The following SNX7 variants were observed in gnomAD, a reference collection of about 807,000 sequenced individuals.
The protein encoded by SNX7 is sorting nexin 7.
SNX7 carries 35 observed loss-of-function variants against 48.4 expected under a neutral mutation model. The ratio of observed to expected loss-of-function variants is 0.72; its 90% CI spans 0.55 to 0.96. The LOEUF is 0.96. SNX7 is among the 40% of genes least tolerant of loss of function. The probability of loss-of-function intolerance (pLI) is 0.00; values close to 1 mark genes in which losing one functional copy is unlikely to be tolerated. For synonymous variants in SNX7, 190 were observed against 190.2 expected (o/e 1.00, Z 0.01); for missense variants, 553 against 548.9 (o/e 1.01, Z -0.07).
At chr1:98,686,766 T>C (rs1650824695) in intron 2 of SNX7, among the ~76,000 whole-genome samples, 1 of 152,150 alleles carries the variant, frequency 6.6e-6, no homozygotes, top group African/African-American at 2.4e-5. Flanking sequence ...ATAAGGTCTT[T>C]ATGAAGATTG....
chr1:98,748,225 A>T (rs549850595), intron 8 of SNX7, among the ~76,000 whole-genome samples: 1 of 152,044 alleles, frequency 6.6e-6, no homozygotes, highest in Non-Finnish European at 1.5e-5. Context: ...ACCTCAAGTG[A>T]TCTGCCTGCC....
intron 7 of SNX7, among the ~76,000 whole-genome samples, chr1:98,717,693 C>T (rs1652661690): frequency 6.6e-6 from 1 of 151,992 alleles, no homozygotes; most frequent in South Asian, 2.1e-4. Flanking sequence ...TTAAATTGAC[C>T]TGCCTTGTTT....
intron 7 of SNX7, among the ~76,000 whole-genome samples, chr1:98,722,280 A>G (rs1456285450): frequency 6.6e-6 from 1 of 152,168 alleles, no homozygotes; most frequent in African/African-American, 2.4e-5. Flanking sequence ...TATGTATTGT[A>G]AAGTATGTAA....
In SNX7 at chr1:98,736,435, A is replaced by C. The variant is rs186947751; in HGVS notation, c.1126-1802A>C. Among the ~76,000 whole-genome samples the C allele has an allele frequency of 1.8e-3, 279 of 152,230 alleles. 2 individuals carry two copies. The highest frequency in any genetic ancestry group is 1.4e-3 in the Non-Finnish European group (97 of 68,010). ...TCCTGTTTGAGTTTGGCCTTTCAACAATTTTATTATGGCTGTGGGTGCCTA... is the reference window on the plus strand; with the variant it reads ...TCCTGTTTGAGTTTGGCCTTTCAACCATTTTATTATGGCTGTGGGTGCCTA... On this transcript the variant is annotated intron_variant, in intron 7 of 8. Transcript: ENST00000306121.
chr1:98,749,044 G>A (rs1162781412), intron 8 of SNX7, among the ~76,000 whole-genome samples: 2 of 152,168 alleles, frequency 1.3e-5, no homozygotes, highest in Admixed American at 1.3e-4. Flanking sequence ...TGTCTGAAGT[G>A]TCTAGCATTA....
At chr1:98,693,709 TAAAC>T (rs1362852039) in intron 4 of SNX7, among the ~76,000 whole-genome samples, 1 of 152,186 alleles carries the variant, frequency 6.6e-6, no homozygotes, top group Non-Finnish European at 1.5e-5. Context: ...GAATTGGAAA[TAAAC>T]AAGTTTACTT....
chr1:98,662,164 G>A, intron 1 of SNX7: 1 of 351,656 alleles, frequency 2.8e-6, no homozygotes, highest in Non-Finnish European at 5.1e-6. Context: ...CGGGGCTGTG[G>A]CTTAGTGGAG....
intron 7 of SNX7, among the ~76,000 whole-genome samples, chr1:98,711,476 C>G (rs1051603441): frequency 6.6e-6 from 1 of 152,270 alleles, no homozygotes; most frequent in Non-Finnish European, 1.5e-5. Flanking sequence ...TAAAGCAAGT[C>G]ACAAGAAATT....
chr1:98,725,461 C>T (rs12028260), intron 7 of SNX7, among the ~76,000 whole-genome samples: 3 of 152,238 alleles, frequency 2.0e-5, no homozygotes, highest in East Asian at 1.9e-4. Context: ...CACAAGGGGG[C>T]ACTGTGCCTG....
At chr1:98,733,156 C>T (rs1653601813) in intron 7 of SNX7, among the ~76,000 whole-genome samples, 1 of 152,144 alleles carries the variant, frequency 6.6e-6, no homozygotes, top group African/African-American at 2.4e-5. Flanking sequence ...GTGTCCCTCA[C>T]TTTGCGATAC....
chr1:98,720,767 C>G (rs1315618952), intron 7 of SNX7, among the ~76,000 whole-genome samples: 1 of 152,058 alleles, frequency 6.6e-6, no homozygotes, highest in Non-Finnish European at 1.5e-5. Context: ...ACAGAATGTT[C>G]TATTTGGCTG....
intron 7 of SNX7, among the ~76,000 whole-genome samples, chr1:98,734,219 T>C (rs1346315269): frequency 1.3e-5 from 2 of 152,152 alleles, no homozygotes; most frequent in Non-Finnish European, 1.5e-5. Context: ...CAATCTTCCA[T>C]TCTGTATCTG....
intron 8 of SNX7, among the ~76,000 whole-genome samples, chr1:98,749,326 A>C (rs995327946): frequency 2.0e-5 from 3 of 152,112 alleles, no homozygotes; most frequent in Admixed American, 6.6e-5. Flanking sequence ...ATAATAAAAA[A>C]ATGGACCACA....
intron 7 of SNX7, among the ~76,000 whole-genome samples, chr1:98,736,588 G>A (rs1653791685): frequency 6.6e-6 from 1 of 152,142 alleles, no homozygotes; most frequent in South Asian, 2.1e-4. Context: ...GATATAGTTT[G>A]ACCCTACAAA....
At chr1:98,725,915 A>G (rs1450242447) in intron 7 of SNX7, among the ~76,000 whole-genome samples, 2 of 152,168 alleles carry the variant, frequency 1.3e-5, no homozygotes, top group African/African-American at 4.8e-5. Flanking sequence ...CAGTTCACCC[A>G]CCAACACTCT....
At chr1:98,752,036 G>GA (rs979145890) in intron 8 of SNX7, among the ~76,000 whole-genome samples, 12 of 151,502 alleles carry the variant, frequency 7.9e-5, no homozygotes, top group Middle Eastern at 3.2e-3. Context: ...ATTTAAAAGT[G>GA]AAAAAAAATT....
chr1:98,697,573 G>C (rs570608652), intron 5 of SNX7, among the ~76,000 whole-genome samples: 110 of 152,092 alleles, frequency 7.2e-4, no homozygotes, highest in African/African-American at 2.5e-3. Flanking sequence ...AATACATAGC[G>C]TATCAAACAC....
At chr1:98,726,632 A>T (rs1252609439) in intron 7 of SNX7, among the ~76,000 whole-genome samples, 1 of 150,348 alleles carries the variant, frequency 6.7e-6, no homozygotes, top group Non-Finnish European at 1.5e-5. Context: ...TCCATTGAAT[A>T]TGGAGATATA....
chr1:98,709,799 C>T (rs1015810877), intron 7 of SNX7, among the ~76,000 whole-genome samples: 2 of 152,074 alleles, frequency 1.3e-5, no homozygotes, highest in African/African-American at 4.8e-5. Flanking sequence ...GAAAGTGTGT[C>T]TTTTTTGTGT....
Sources: allele counts gnomAD v4.1 joint callset (sites outside exome capture counted in the v4.1 genomes callset), GRCh38; gene constraint gnomAD v4.1.1; transcripts MANE v1.5; gene names NCBI Gene and HGNC (gene_info 2026-07-23, HGNC 2026-07-21).